The following RPS6KA5 variants were observed in gnomAD, a reference collection of about 807,000 sequenced individuals.
RPS6KA5 encodes ribosomal protein S6 kinase alpha-5.
Under a neutral mutation model 85.5 loss-of-function variants are expected in RPS6KA5, and 27 were observed. The observed-to-expected ratio is 0.32, with a 90% CI of 0.23 to 0.44. The LOEUF (loss-of-function observed/expected upper bound fraction) is 0.44. RPS6KA5 is among the 20% of genes least tolerant of loss of function. RPS6KA5 has a pLI of 1.00. For missense variants in RPS6KA5, 811 were observed against 980.9 expected, an observed-to-expected ratio of 0.83 and a Z score of 2.31; for synonymous variants, 334 against 348.2, an observed-to-expected ratio of 0.96 and a Z score of 0.46.
intron 14 of RPS6KA5, among the ~76,000 whole-genome samples, chr14:90,887,207 G>A (rs2140182485): frequency 6.6e-6 from 1 of 152,038 alleles, no homozygotes; most frequent in South Asian, 2.1e-4. Context: ...TTGGAGACAG[G>A]GTCTTGCTCT....
At chr14:91,031,926 G>C (rs1026035164) in intron 1 of RPS6KA5, among the ~76,000 whole-genome samples, 1 of 151,802 alleles carries the variant, frequency 6.6e-6, no homozygotes, top group African/African-American at 2.4e-5. Flanking sequence ...GTAGAAACTG[G>C]GAATAAAATC....
At chr14:90,889,833 C>T (rs1231685005) in intron 14 of RPS6KA5, among the ~76,000 whole-genome samples, 1 of 152,254 alleles carries the variant, frequency 6.6e-6, no homozygotes, top group East Asian at 1.9e-4. Flanking sequence ...TATATCACTT[C>T]TCAATGTGAA....
At chr14:90,954,642 G>A (rs2038404936) in intron 3 of RPS6KA5, among the ~76,000 whole-genome samples, 1 of 152,162 alleles carries the variant, frequency 6.6e-6, no homozygotes. Flanking sequence ...TTGAACTCCT[G>A]ACCTCAAGTG....
chr14:90,949,606 A>C (rs1264683117), intron 3 of RPS6KA5, among the ~76,000 whole-genome samples: 3 of 152,198 alleles, frequency 2.0e-5, no homozygotes, highest in Non-Finnish European at 4.4e-5. Context: ...TCTACTATTT[A>C]AAAAATCTAA....
At chr14:91,013,853 A>G (rs562806135) in intron 1 of RPS6KA5, among the ~76,000 whole-genome samples, 92 of 152,338 alleles carry the variant, frequency 6.0e-4, no homozygotes, top group African/African-American at 2.2e-3. Flanking sequence ...CATAAAGGCT[A>G]CACTAAGCCA....
At chr14:90,947,678 A>G (rs987017119) in intron 3 of RPS6KA5, 128 bp from the exon 4 acceptor site, 23 of 596,870 alleles carry the variant, frequency 3.9e-5, no homozygotes, top group Non-Finnish European at 6.2e-5. Flanking sequence ...AATTTAGCAT[A>G]CAGTATCATG....
intron 3 of RPS6KA5, among the ~76,000 whole-genome samples, chr14:90,963,350 A>G (rs537188859): frequency 6.6e-6 from 1 of 152,162 alleles, no homozygotes; most frequent in Non-Finnish European, 1.5e-5. Context: ...ACTAAAGTGG[A>G]GTTTGCCACG....
At chr14:90,932,941 AC>A (rs1338832879) in intron 5 of RPS6KA5, among the ~76,000 whole-genome samples, 1 of 151,936 alleles carries the variant, frequency 6.6e-6, no homozygotes, top group Non-Finnish European at 1.5e-5. Flanking sequence ...AGGGGAAAAA[AC>A]CCTCTTTTCA....
chr14:90,963,006 A>C (rs2038884358), intron 3 of RPS6KA5, among the ~76,000 whole-genome samples: 1 of 152,276 alleles, frequency 6.6e-6, no homozygotes, highest in East Asian at 1.9e-4. Context: ...TTCCCTATTC[A>C]AATTTGGCCA....
At chr14:91,054,437 G>C (rs1225947286) in intron 1 of RPS6KA5, among the ~76,000 whole-genome samples, 1 of 152,064 alleles carries the variant, frequency 6.6e-6, no homozygotes, top group African/African-American at 2.4e-5. Flanking sequence ...AGGAGTTCAA[G>C]ATCAGCCTGG....
In RPS6KA5 at chr14:91,051,861, A is replaced by G. The variant is rs145909760; in HGVS notation, c.103+8471T>C. On this transcript the variant is annotated intron_variant, in intron 1 of 16. Coordinates refer to ENST00000614987, the MANE Select transcript of RPS6KA5 (RefSeq NM_004755.4). Reference sequence around the variant, plus strand: ...TAGAAGAGAACTTTGTCAACCTGAGAAAGAACATCTATGAAAAACTCACAG... The same window carrying G: ...TAGAAGAGAACTTTGTCAACCTGAGGAAGAACATCTATGAAAAACTCACAG... 2.9e-4 allele frequency among the ~76,000 whole-genome samples: 44 copies of G among 152,098 alleles called. No individual in the cohort carries two copies. The East Asian group carries it at 4.6e-3, about 16-fold the overall frequency.
intron 14 of RPS6KA5, among the ~76,000 whole-genome samples, chr14:90,889,092 G>A (rs1042883547): frequency 3.3e-5 from 5 of 152,088 alleles, no homozygotes; most frequent in African/African-American, 4.8e-5. Context: ...TCAGGAGTTT[G>A]AGACCAGCCT....
intron 7 of RPS6KA5, among the ~76,000 whole-genome samples, chr14:90,909,134 T>G (rs971104486): frequency 2.6e-4 from 39 of 152,354 alleles, no homozygotes; most frequent in African/African-American, 8.7e-4. Context: ...CACTGCTGCC[T>G]ATGCAGAATG....
Position 90,871,945 on chromosome 14 carries a change from G to T in RPS6KA5, c.*129C>A. The T allele has an allele frequency of 7.9e-7, 1 of 1,272,572 alleles. No homozygotes were observed. The highest frequency in any genetic ancestry group is 1.1e-6 in the Non-Finnish European group (1 of 920,416). 78.8% of individuals were successfully genotyped at this position (1,272,572 alleles called of 1,614,324 possible). On this transcript the variant is annotated 3_prime_UTR_variant, in exon 17 of 17. Coordinates refer to ENST00000614987, the MANE Select transcript of RPS6KA5 (RefSeq NM_004755.4). ...TGAGGATAACCAAACAGGTTTTCCT[G>T]AAAAAAATCATTAGGAGGCAGATTC...
At chr14:90,892,559 A>G (rs2034623431) in intron 13 of RPS6KA5, among the ~76,000 whole-genome samples, 1 of 150,180 alleles carries the variant, frequency 6.7e-6, no homozygotes. Context: ...GGATGTATGC[A>G]ACTTTTCTTA....
intron 3 of RPS6KA5, among the ~76,000 whole-genome samples, chr14:90,977,142 C>T (rs970183418): frequency 6.6e-6 from 1 of 152,212 alleles, no homozygotes; most frequent in Non-Finnish European, 1.5e-5. Flanking sequence ...TTATGGAATA[C>T]ACCTAGTGTA....
chr14:90,988,816 AAAATAAAT>A (rs59317657), intron 2 of RPS6KA5, among the ~76,000 whole-genome samples: 1 of 151,914 alleles, frequency 6.6e-6, no homozygotes. Flanking sequence ...CCATCTCAAA[AAAATAAAT>A]AAATAAATAA....
intron 7 of RPS6KA5, among the ~76,000 whole-genome samples, chr14:90,913,635 G>C (rs772418568): frequency 1.3e-5 from 2 of 152,156 alleles, no homozygotes; most frequent in Non-Finnish European, 2.9e-5. Context: ...TTTATCGCCA[G>C]ACCTCTTCCT....
At chr14:90,989,363 G>A (rs187477366) in intron 2 of RPS6KA5, among the ~76,000 whole-genome samples, 95 of 152,288 alleles carry the variant, frequency 6.2e-4, no homozygotes, top group Non-Finnish European at 3.4e-4. Flanking sequence ...CCGTGTGAAA[G>A]CACCAAAACC....
Sources: gnomAD v4.1 joint callset for allele counts (sites outside exome capture counted in the v4.1 genomes callset) on GRCh38, gnomAD v4.1.1 for gene constraint, MANE v1.5 for transcripts, NCBI Gene and HGNC (gene_info 2026-07-23, HGNC 2026-07-21) for gene names.